OTUD7A: variants seen among roughly 807,000 people sequenced by gnomAD.
OTUD7A encodes the protein OTU domain-containing protein 7A.
Under a neutral mutation model 65.7 loss-of-function variants are expected in OTUD7A, and 12 were observed. The ratio of observed to expected loss-of-function variants is 0.18; its 90% CI spans 0.12 to 0.30. The LOEUF (loss-of-function observed/expected upper bound fraction) is 0.30, where lower values mean the gene tolerates loss of function less well. Ranked by LOEUF, OTUD7A falls within the 10% of genes least tolerant of loss-of-function variation. The probability of loss-of-function intolerance (pLI) is 1.00; values close to 1 mark genes in which losing one functional copy is unlikely to be tolerated. For missense variants in OTUD7A, 1,148 were observed against 1,304.8 expected (o/e 0.88, Z 1.85); for synonymous variants, 641 against 586.3 (o/e 1.09, Z -1.35).
intron 3 of OTUD7A, among the ~76,000 whole-genome samples, chr15:31,583,342 C>T (rs117422255): frequency 6.6e-6 from 1 of 152,194 alleles, no homozygotes; most frequent in Non-Finnish European, 1.5e-5. Flanking sequence ...AGATTTGCTG[C>T]AGCTGCCAGG....
chr15:31,670,763 G>A (rs7174766), intron 1 of OTUD7A, among the ~76,000 whole-genome samples: 26,460 of 151,974 alleles, frequency 0.17, 2,545 homozygotes, highest in East Asian at 0.25. Context: ...AGGCCGAAGC[G>A]GGCGGATCAC....
At position 31,527,291 on chromosome 15, in the gene OTUD7A, C is replaced by T. The variant is rs146312938; in HGVS notation, c.670G>A (p.Asp224Asn). The T allele has an allele frequency of 1.2e-6, 2 of 1,614,030 alleles. No homozygotes were observed. The highest frequency in any genetic ancestry group is 1.7e-6 in the Non-Finnish European group (2 of 1,179,956). ...AASLGMWGFH[D>N]RDLVLRKALY... The stretch of plus-strand genomic sequence containing the variant: ...GCTTTCCGTAACACCAGGTCCCGGT[C>T]GTGAAACCCCCACATTCCTGGAGCC... Residue 224 changes from aspartate to asparagine, a missense_variant, in exon 7 of 13, where the codon GAC becomes AAC. Physicochemically the swap from Asp to Asn is conservative, Grantham distance 23. This residue lies in a region of OTUD7A where 134 missense variants were observed against 252.6 expected (regional missense o/e 0.53). Coordinates refer to ENST00000307050, the MANE Select transcript of OTUD7A (RefSeq NM_001382637.1).
rs147443201 is a variant in OTUD7A, at chr15:31,483,023, G to A, written c.*271C>T. ...CTTACTGAGGAACAAAAATACTCTT[G>A]CAATGGCTATTGAGTTTCCACAGGT... On this transcript the variant is annotated 3_prime_UTR_variant, in exon 13 of 13. Transcript: ENST00000307050. The A allele has an allele frequency of 6.0e-6, 1 of 167,676 alleles. No individual in the cohort carries two copies. The highest frequency in any genetic ancestry group is 2.4e-5 in the African/African-American group (1 of 41,662). 10.4% of individuals were successfully genotyped at this position (167,676 alleles called of 1,614,324 possible). A position where few individuals can be genotyped will look rare whatever the true frequency, so the allele number is the denominator to read the frequency against.
At chr15:31,612,037 TAAAAAC>T (rs1474531600) in intron 3 of OTUD7A, among the ~76,000 whole-genome samples, 1 of 152,074 alleles carries the variant, frequency 6.6e-6, no homozygotes, top group Non-Finnish European at 1.5e-5. Flanking sequence ...TAAACAGAAT[TAAAAAC>T]AAAAATCATG....
chr15:31,665,245 T>C (rs1892287315), intron 1 of OTUD7A, among the ~76,000 whole-genome samples: 1 of 152,212 alleles, frequency 6.6e-6, no homozygotes, highest in African/African-American at 2.4e-5. Context: ...TAGATTGCTT[T>C]TGGCAGTATG....
At chr15:31,801,603 A>G (rs1291894201) in intron 1 of OTUD7A, among the ~76,000 whole-genome samples, 2 of 152,236 alleles carry the variant, frequency 1.3e-5, no homozygotes, top group African/African-American at 4.8e-5. Flanking sequence ...AACAAAAATG[A>G]AAAGAAACAT....
chr15:31,549,907 G>A (rs1888262906), intron 5 of OTUD7A, among the ~76,000 whole-genome samples: 1 of 152,004 alleles, frequency 6.6e-6, no homozygotes, highest in East Asian at 1.9e-4. Context: ...ATTACTGTAG[G>A]CAACATGCTA....
rs187811934 is a variant in OTUD7A, at chr15:31,481,066, T to G, written c.*2228A>C. 9 of 152,392 alleles carry G rather than the reference T, an allele frequency of 5.9e-5. No individual in the cohort carries two copies. The East Asian group carries it at 1.5e-3, about 26-fold the overall frequency. The allele number at this position is 152,392 out of a possible 1,614,324, so 9.4% of individuals were successfully genotyped here. On this transcript the variant is annotated 3_prime_UTR_variant, in exon 13 of 13. Coordinates refer to ENST00000307050, the MANE Select transcript of OTUD7A (RefSeq NM_001382637.1). ...TGGACGGTTTTTATTCTGTTTTATT[T>G]TTTTATTTTTTAAATTAGACAAACC...
At chr15:31,535,721 C>T (rs556990491) in intron 5 of OTUD7A, among the ~76,000 whole-genome samples, 9 of 147,572 alleles carry the variant, frequency 6.1e-5, no homozygotes, top group South Asian at 2.2e-4. Flanking sequence ...CTGTCACCCA[C>T]GCTGGAGTGC....
chr15:31,629,493 GC>G (rs1474544039), intron 3 of OTUD7A, among the ~76,000 whole-genome samples: 2 of 152,166 alleles, frequency 1.3e-5, no homozygotes, highest in African/African-American at 4.8e-5. Context: ...GATTCGGTCT[GC>G]CAGTATTTTA....
At chr15:31,724,179 A>G (rs1442879348) in intron 1 of OTUD7A, among the ~76,000 whole-genome samples, 1 of 152,138 alleles carries the variant, frequency 6.6e-6, no homozygotes, top group Non-Finnish European at 1.5e-5. Context: ...TTACATTATC[A>G]TTGGTGGCTT....
At chr15:31,539,319 C>T (rs80142157) in intron 5 of OTUD7A, among the ~76,000 whole-genome samples, 1,627 of 152,016 alleles carry the variant, frequency 0.011, 40 homozygotes, top group African/African-American at 0.038. Context: ...ATCAGCAGGG[C>T]CTCTGCTTGT....
intron 4 of OTUD7A, 70 bp downstream of exon 4, chr15:31,569,948 C>T (rs769004866): frequency 7.4e-5 from 116 of 1,557,444 alleles, no homozygotes; most frequent in Admixed American, 1.9e-4. Flanking sequence ...CTTTGTACCA[C>T]GCAACCCGCC....
At chr15:31,634,949 C>T (rs1242069261) in intron 3 of OTUD7A, among the ~76,000 whole-genome samples, 2 of 152,222 alleles carry the variant, frequency 1.3e-5, no homozygotes, top group East Asian at 3.8e-4. Context: ...CTTCTGGAAC[C>T]TGCCTCTGGC....
intron 1 of OTUD7A, among the ~76,000 whole-genome samples, chr15:31,859,470 T>C (rs1467798287): frequency 6.6e-6 from 1 of 152,228 alleles, no homozygotes; most frequent in Non-Finnish European, 1.5e-5. Context: ...TTAAGTGATA[T>C]AAAATTATCA....
At chr15:31,629,828 T>A (rs1891085539) in intron 3 of OTUD7A, among the ~76,000 whole-genome samples, 1 of 152,216 alleles carries the variant, frequency 6.6e-6, no homozygotes. Flanking sequence ...TGGGAGGGTG[T>A]ATGTGTCCAG....
chr15:31,733,958 G>A lies in OTUD7A; in HGVS notation c.-99-76881C>T, dbSNP rs146306467. On this transcript the variant is annotated intron_variant, in intron 1 of 12. Transcript: ENST00000307050. ...GTTTCAGCAGGGGCAGGTGAAACAC[G>A]TTAATATAAAAAATGTCAATTTTTT... 5.0e-3 allele frequency among the ~76,000 whole-genome samples: 763 copies of A among 152,236 alleles called. 3 individuals carry two copies. The highest frequency in any genetic ancestry group is 0.018 in the African/African-American group (731 of 41,518).
At chr15:31,857,443 G>A (rs546300966) in intron 1 of OTUD7A, among the ~76,000 whole-genome samples, 2 of 152,222 alleles carry the variant, frequency 1.3e-5, no homozygotes, top group South Asian at 2.1e-4. Context: ...CTGGGCACTC[G>A]TAGTCCCCTC....
At chr15:31,613,553 T>C (rs528668914) in intron 3 of OTUD7A, among the ~76,000 whole-genome samples, 3 of 152,218 alleles carry the variant, frequency 2.0e-5, no homozygotes, top group Admixed American at 6.5e-5. Flanking sequence ...AAAAATGCTC[T>C]ACATCATTAA....
Sources: allele counts gnomAD v4.1 joint callset (sites outside exome capture counted in the v4.1 genomes callset), GRCh38; gene constraint gnomAD v4.1.1; regional missense constraint gnomAD v4.1.1; transcripts MANE v1.5; gene names NCBI Gene and HGNC (gene_info 2026-07-23, HGNC 2026-07-21).